MYO3B: variants seen among roughly 807,000 people sequenced by gnomAD.
The protein encoded by MYO3B is myosin-IIIb.
MYO3B carries 156 observed loss-of-function variants against 174.6 expected under a neutral mutation model. That is an observed-to-expected ratio of 0.89 (90% CI 0.78 to 1.02). The LOEUF (loss-of-function observed/expected upper bound fraction) is 1.02, where lower values mean the gene tolerates loss of function less well. Among genes scored for constraint, MYO3B ranks in the 50% least tolerant of loss-of-function variants. The probability of loss-of-function intolerance (pLI) is 0.00; values close to 1 mark genes in which losing one functional copy is unlikely to be tolerated. For missense variants in MYO3B, 1,632 were observed against 1,639.4 expected (o/e 1.00, Z 0.08); for synonymous variants, 563 against 569.1 (o/e 0.99, Z 0.15).
intron 6 of MYO3B, among the ~76,000 whole-genome samples, chr2:170,221,481 C>A (rs1357864032): frequency 6.6e-6 from 1 of 152,064 alleles, no homozygotes. Context: ...AGTCAAGACA[C>A]ACAGTTCACT....
chr2:170,328,632 A>C (rs1490255419), intron 7 of MYO3B, among the ~76,000 whole-genome samples: 1 of 152,212 alleles, frequency 6.6e-6, no homozygotes, highest in East Asian at 1.9e-4. Context: ...GGCATATGTA[A>C]GCCATTTCAG....
intron 8 of MYO3B, among the ~76,000 whole-genome samples, chr2:170,357,048 G>C (rs2094127539): frequency 6.6e-6 from 1 of 152,178 alleles, no homozygotes; most frequent in Admixed American, 6.5e-5. Flanking sequence ...CTCCCAAAGT[G>C]CTGGGATCAC....
intron 7 of MYO3B, among the ~76,000 whole-genome samples, chr2:170,296,269 C>T (rs116470297): frequency 0.012 from 1,778 of 152,216 alleles, 12 homozygotes; most frequent in Non-Finnish European, 0.018. Context: ...CTGAAAGAGA[C>T]AGTAATGGAG....
intron 8 of MYO3B, among the ~76,000 whole-genome samples, chr2:170,361,618 C>T (rs764269895): frequency 1.4e-4 from 21 of 152,216 alleles, no homozygotes; most frequent in Non-Finnish European, 3.1e-4. Context: ...ACAGCCAACT[C>T]GGTCAGTATG....
chr2:170,552,966 G>C (rs1447361580), intron 32 of MYO3B, among the ~76,000 whole-genome samples: 2 of 152,202 alleles, frequency 1.3e-5, no homozygotes, highest in African/African-American at 4.8e-5. Flanking sequence ...CCCAAGCCTT[G>C]GTGGCTTCCA....
At chr2:170,377,235 A>T (rs1305311282) in intron 9 of MYO3B, among the ~76,000 whole-genome samples, 3 of 152,222 alleles carry the variant, frequency 2.0e-5, no homozygotes, top group East Asian at 3.8e-4. Context: ...CAGAGATTAA[A>T]CTAGAGTGAA....
chr2:170,618,713 T>C (rs543185216), intron 32 of MYO3B, among the ~76,000 whole-genome samples: 180 of 152,142 alleles, frequency 1.2e-3, no homozygotes, highest in African/African-American at 4.2e-3. Flanking sequence ...TATTATTAAG[T>C]TAAGTGAGGG....
rs185553790 is a variant in MYO3B at position 170,346,459 on chromosome 2, T to A, written c.815+11009T>A. On this transcript the variant is annotated intron_variant, in intron 8 of 34. Transcript: ENST00000408978. ...GTATTAATATGACACCATAAAACAA[T>A]CACTACAATGTCAAGTATTAATATG... 37 of 152,296 alleles carry A rather than the reference T, an allele frequency of 2.4e-4. No homozygotes were observed. In the East Asian group the frequency reaches 4.8e-3, roughly 20 times the overall value. 9.4% of individuals were successfully genotyped at this position (152,296 alleles called of 1,614,324 possible).
intron 32 of MYO3B, among the ~76,000 whole-genome samples, chr2:170,642,187 C>T (rs1698025231): frequency 7.0e-6 from 1 of 143,840 alleles, no homozygotes; most frequent in Non-Finnish European, 1.5e-5. Context: ...TCAGTATTCA[C>T]TCATTCACTC....
intron 7 of MYO3B, among the ~76,000 whole-genome samples, chr2:170,319,013 G>A (rs1210211740): frequency 6.6e-6 from 1 of 152,218 alleles, no homozygotes; most frequent in Non-Finnish European, 1.5e-5. Flanking sequence ...TCTTACCCCA[G>A]ATCTCAGGTT....
At chr2:170,369,474 C>T (rs1340065631) in intron 9 of MYO3B, 97 bp downstream of exon 9, 1 of 1,316,068 alleles carries the variant, frequency 7.6e-7, no homozygotes, top group African/African-American at 1.5e-5. Context: ...GTAGTTATTA[C>T]ATTCCTGCAT....
At chr2:170,357,322 A>T (rs2094129203) in intron 8 of MYO3B, among the ~76,000 whole-genome samples, 1 of 142,470 alleles carries the variant, frequency 7.0e-6, no homozygotes, top group Non-Finnish European at 1.5e-5. Flanking sequence ...AATAAAAATA[A>T]AAATAAATAA....
chr2:170,467,291 A>G (rs536877177), intron 25 of MYO3B, among the ~76,000 whole-genome samples: 38 of 152,326 alleles, frequency 2.5e-4, no homozygotes, highest in Non-Finnish European at 4.9e-4. Flanking sequence ...CATGCTGGTC[A>G]ATGTAGAACC....
At chr2:170,323,575 C>T (rs1217939293) in intron 7 of MYO3B, among the ~76,000 whole-genome samples, 1 of 152,174 alleles carries the variant, frequency 6.6e-6, no homozygotes, top group African/African-American at 2.4e-5. Flanking sequence ...TAATTGTGGA[C>T]TTTGGAATTG....
intron 7 of MYO3B, among the ~76,000 whole-genome samples, chr2:170,327,035 T>A (rs1227025076): frequency 6.6e-6 from 1 of 152,258 alleles, no homozygotes; most frequent in Non-Finnish European, 1.5e-5. Flanking sequence ...TAGCCTAACA[T>A]TGCAAATGGC....
At chr2:170,513,089 G>A (rs185640319) in intron 28 of MYO3B, among the ~76,000 whole-genome samples, 9 of 152,012 alleles carry the variant, frequency 5.9e-5, no homozygotes, top group East Asian at 3.9e-4. Flanking sequence ...ATTTTTCCCC[G>A]CACACCCCAG....
In MYO3B at chr2:170,633,972, C is replaced by G. The variant is rs542958538; in HGVS notation, c.3734-17656C>G. ...CTGATCAACGAAATAAAAGAGGACACAAACAAATGGAAGAACATTCCATGC... is the reference window on the plus strand; with the variant it reads ...CTGATCAACGAAATAAAAGAGGACAGAAACAAATGGAAGAACATTCCATGC... On this transcript the variant is annotated intron_variant, in intron 32 of 34. Coordinates refer to ENST00000408978, the MANE Select transcript of MYO3B (RefSeq NM_138995.5). Among the ~76,000 whole-genome samples the G allele has an allele frequency of 5.9e-5, 9 of 152,236 alleles. No homozygotes were observed. The East Asian group carries it at 1.5e-3, about 26-fold the overall frequency.
At chr2:170,459,846 C>T (rs368031636) in intron 23 of MYO3B, among the ~76,000 whole-genome samples, 3 of 152,234 alleles carry the variant, frequency 2.0e-5, no homozygotes, top group African/African-American at 2.4e-5. Context: ...ACCTGGTGCA[C>T]CTTCCGCAGC....
intron 7 of MYO3B, among the ~76,000 whole-genome samples, chr2:170,248,361 C>T (rs935302759): frequency 1.3e-5 from 2 of 152,148 alleles, no homozygotes; most frequent in African/African-American, 2.4e-5. Context: ...TGTCTTCAGG[C>T]TCAGTCCCAT....
Sources: gnomAD v4.1 joint callset for allele counts (sites outside exome capture counted in the v4.1 genomes callset) on GRCh38, gnomAD v4.1.1 for gene constraint, MANE v1.5 for transcripts, NCBI Gene and HGNC (gene_info 2026-07-23, HGNC 2026-07-21) for gene names.